Variants in MAP2 observed in about 807,000 individuals in gnomAD.
The protein encoded by MAP2 is microtubule-associated protein 2.
In MAP2, 14 loss-of-function variants were observed where a neutral mutation model predicts 137.6. That is an observed-to-expected ratio of 0.10 (90% confidence interval 0.07 to 0.16). MAP2 has a LOEUF of 0.16. Among genes scored for constraint, MAP2 ranks in the 10% least tolerant of loss-of-function variants. The pLI is 1.00. For missense variants in MAP2, 2,088 were observed against 2,191.5 expected (o/e 0.95, Z 0.94); for synonymous variants, 786 against 782.3 (o/e 1.00, Z -0.08).
At chr2:209,445,770 G>C (rs1393442369) in intron 1 of MAP2, among the ~76,000 whole-genome samples, 1 of 151,630 alleles carries the variant, frequency 6.6e-6, no homozygotes, top group Non-Finnish European at 1.5e-5. Context: ...ACTCATAATA[G>C]CAATTTGCAT....
At chr2:209,614,387 T>C (rs2088273436) in intron 3 of MAP2, among the ~76,000 whole-genome samples, 1 of 152,142 alleles carries the variant, frequency 6.6e-6, no homozygotes, top group African/African-American at 2.4e-5. Context: ...GGCAGCCTCT[T>C]CTTTGTTTTT....
At chr2:209,664,303 A>C (rs1285970255) in intron 5 of MAP2, among the ~76,000 whole-genome samples, 1 of 152,134 alleles carries the variant, frequency 6.6e-6, no homozygotes, top group Non-Finnish European at 1.5e-5. Flanking sequence ...TAATCCCAGC[A>C]CTTTGGGAGG....
intron 2 of MAP2, among the ~76,000 whole-genome samples, chr2:209,571,784 A>G (rs932399996): frequency 6.6e-6 from 1 of 152,026 alleles, no homozygotes; most frequent in Non-Finnish European, 1.5e-5. Flanking sequence ...TGGTAATGTC[A>G]TATGAAATCT....
At chr2:209,689,589 T>G (rs776102538) in intron 7 of MAP2, among the ~76,000 whole-genome samples, 3 of 152,174 alleles carry the variant, frequency 2.0e-5, no homozygotes, top group Non-Finnish European at 4.4e-5. Flanking sequence ...CTTGAAAAGT[T>G]TATCTTTACA....
At chr2:209,646,114 T>C (rs1052560769) in intron 4 of MAP2, among the ~76,000 whole-genome samples, 1 of 152,130 alleles carries the variant, frequency 6.6e-6, no homozygotes, top group Non-Finnish European at 1.5e-5. Flanking sequence ...GGAGAATCAC[T>C]TGAGCCCGGG....
chr2:209,616,615 T>C (rs146608211), intron 3 of MAP2, among the ~76,000 whole-genome samples: 189 of 152,280 alleles, frequency 1.2e-3, no homozygotes, highest in Admixed American at 5.3e-3. Flanking sequence ...AATACGTCTC[T>C]CAGCTGTTCA....
At chr2:209,718,601 T>G (rs925488451) in intron 13 of MAP2, among the ~76,000 whole-genome samples, 1 of 152,102 alleles carries the variant, frequency 6.6e-6, no homozygotes, top group Admixed American at 6.5e-5. Flanking sequence ...GCATTATCTA[T>G]TCACCCCGGG....
At chr2:209,554,571 T>G (rs928059217) in intron 2 of MAP2, among the ~76,000 whole-genome samples, 1 of 152,074 alleles carries the variant, frequency 6.6e-6, no homozygotes, top group African/African-American at 2.4e-5. Flanking sequence ...ATGGATTGTT[T>G]GAGCATAGGA....
At chr2:209,471,108 A>C (rs1306462663) in intron 1 of MAP2, among the ~76,000 whole-genome samples, 1 of 152,064 alleles carries the variant, frequency 6.6e-6, no homozygotes, top group Non-Finnish European at 1.5e-5. Flanking sequence ...TCCTAGTCTC[A>C]CTTCTACCAT....
rs144069172 is a variant in MAP2 at position 209,695,610 on chromosome 2, C to T, written c.3440C>T (p.Ala1147Val). ...HESLTMESLK[A>V]DEGKKETSPE... is the part of the protein sequence containing the mutation. ...AGTCTCACCATGGAGTCCTTGAAAG[C>T]TGATGAGGGCAAGAAGGAAACATCT... is the stretch of plus-strand genomic sequence containing the variant. The change falls in exon 8 of 16, where the codon GCT (alanine) becomes GTT (valine). Residue 1147 changes from alanine to valine, a missense_variant. Transcript: ENST00000682079. 19 of 1,613,794 alleles carry T rather than the reference C, an allele frequency of 1.2e-5. No homozygotes were observed. In the African/African-American group the frequency reaches 2.3e-4, roughly 19 times the overall value.
chr2:209,474,455 A>G (rs188815032), intron 1 of MAP2, among the ~76,000 whole-genome samples: 87 of 152,236 alleles, frequency 5.7e-4, no homozygotes, highest in Non-Finnish European at 9.7e-4. Flanking sequence ...CCCAGGAACA[A>G]TGCACAGTCT....
intron 1 of MAP2, among the ~76,000 whole-genome samples, chr2:209,502,349 T>C (rs574989019): frequency 6.6e-6 from 1 of 152,322 alleles, no homozygotes; most frequent in African/African-American, 2.4e-5. Flanking sequence ...AGTATTTTTC[T>C]TTCTGTGTCT....
rs1467441130 is a variant in MAP2 at position 209,653,407 on chromosome 2, G to T, written c.237G>T (p.Leu79=). The change falls in exon 5 of 16, where the codon CTG becomes CTT. Residue 79 remains leucine (L), a synonymous_variant. Coordinates refer to ENST00000682079, the MANE Select transcript of MAP2 (RefSeq NM_001375505.1). ...NTKENGINGE[L]TSADRETAEE... ...AAGAGAATGGGATCAACGGAGAGCT[G>T]ACCTCAGCTGACAGAGAAACAGCAG... The T allele has an allele frequency of 4.4e-6, 7 of 1,603,782 alleles. No individual in the cohort carries two copies. Among genetic ancestry groups the T allele is most frequent in the Non-Finnish European group, 6.0e-6 (7 of 1,173,736 alleles).
chr2:209,726,897 T>C (rs896425411), intron 14 of MAP2, among the ~76,000 whole-genome samples: 3 of 152,262 alleles, frequency 2.0e-5, no homozygotes, highest in Non-Finnish European at 4.4e-5. Context: ...TAACTGTCTG[T>C]GTTTGGCATC....
At chr2:209,465,396 T>C (rs1275814292) in intron 1 of MAP2, among the ~76,000 whole-genome samples, 3 of 151,642 alleles carry the variant, frequency 2.0e-5, no homozygotes, top group African/African-American at 7.2e-5. Context: ...TTTCACATTT[T>C]AAAAGGCAAA....
chr2:209,445,742 A>G (rs1698894138), intron 1 of MAP2, among the ~76,000 whole-genome samples: 1 of 151,692 alleles, frequency 6.6e-6, no homozygotes, highest in African/African-American at 2.4e-5. Context: ...TCCAACACCC[A>G]CATCTTCCAA....
chr2:209,459,826 G>A (rs944469150), intron 1 of MAP2, among the ~76,000 whole-genome samples: 7 of 152,156 alleles, frequency 4.6e-5, no homozygotes, highest in Non-Finnish European at 7.3e-5. Context: ...TGGATGTCCT[G>A]TAGGTCTTGG....
chr2:209,505,032 A>T (rs79048883), intron 1 of MAP2, among the ~76,000 whole-genome samples: 1 of 151,188 alleles, frequency 6.6e-6, no homozygotes, highest in Admixed American at 6.6e-5. Flanking sequence ...TTTTAGAGAC[A>T]TATTTTTTCT....
At chr2:209,565,860 C>T (rs1366271602) in intron 2 of MAP2, among the ~76,000 whole-genome samples, 2 of 152,112 alleles carry the variant, frequency 1.3e-5, no homozygotes, top group Admixed American at 6.6e-5. Context: ...ATTTGCTCAT[C>T]GGGTCTCTTA....
Sources: allele counts gnomAD v4.1 joint callset (sites outside exome capture counted in the v4.1 genomes callset), GRCh38; gene constraint gnomAD v4.1.1; transcripts MANE v1.5; gene names NCBI Gene and HGNC (gene_info 2026-07-23, HGNC 2026-07-21).